SGK1: variants seen among roughly 807,000 people sequenced by gnomAD.
SGK1 encodes the protein serum/glucocorticoid regulated kinase 1.
In SGK1, 26 loss-of-function variants were observed where a neutral mutation model predicts 64.2. The ratio of observed to expected loss-of-function variants is 0.40; its 90% CI spans 0.30 to 0.56. The LOEUF is 0.56. SGK1 is among the 20% of genes least tolerant of loss of function. SGK1 has a pLI of 0.38. For synonymous variants in SGK1, 265 were observed against 239.7 expected (o/e 1.11, Z -0.98); for missense variants, 519 against 645.6 (o/e 0.80, Z 2.12).
chr6:134,218,437 C>CTTTT (rs71003680), intron 2 of SGK1, among the ~76,000 whole-genome samples: 5 of 129,168 alleles, frequency 3.9e-5, no homozygotes, highest in East Asian at 2.2e-4. Context: ...TTCTTTTTTT[C>CTTTT]TTTTTTTTTT....
chr6:134,227,254 C>T (rs956248163), intron 2 of SGK1, among the ~76,000 whole-genome samples: 3 of 152,188 alleles, frequency 2.0e-5, no homozygotes, highest in African/African-American at 7.2e-5. Context: ...CCTGCCTCAG[C>T]CTCCTGAGTA....
chr6:134,217,985 G>C (rs966692229), intron 2 of SGK1, among the ~76,000 whole-genome samples: 2 of 152,142 alleles, frequency 1.3e-5, no homozygotes, highest in Admixed American at 6.5e-5. Flanking sequence ...GCCTGGCTCA[G>C]CAAGCACTTG....
At chr6:134,289,823 C>T (rs570138420) in intron 1 of SGK1, among the ~76,000 whole-genome samples, 1 of 151,640 alleles carries the variant, frequency 6.6e-6, no homozygotes. Context: ...CTGGGCGACA[C>T]AGTGAGACCT....
intron 3 of SGK1, among the ~76,000 whole-genome samples, chr6:134,202,658 T>C (rs897513343): frequency 6.7e-6 from 1 of 149,248 alleles, no homozygotes; most frequent in African/African-American, 2.5e-5. Flanking sequence ...AAAAAAATAA[T>C]AAAAACATGA....
chr6:134,173,983 C>T, intron 5 of SGK1, 22 bp downstream of exon 5: 3 of 1,562,398 alleles, frequency 1.9e-6, no homozygotes, highest in African/African-American at 2.7e-5. Flanking sequence ...TCCACAGATG[C>T]ACGGCACATA....
intron 2 of SGK1, chr6:134,215,046 A>G (rs1216146825): frequency 2.2e-6 from 1 of 455,810 alleles, no homozygotes; most frequent in Non-Finnish European, 4.4e-6. Context: ...GTGTATGAGA[A>G]TATCACATTT....
At chr6:134,272,821 G>A (rs1345954494) in intron 1 of SGK1, among the ~76,000 whole-genome samples, 1 of 148,278 alleles carries the variant, frequency 6.7e-6, no homozygotes, top group Non-Finnish European at 1.5e-5. Flanking sequence ...ATAAAATGAA[G>A]CTTGCACAAA....
chr6:134,199,938 T>C (rs1288389514), intron 3 of SGK1, among the ~76,000 whole-genome samples: 3 of 152,208 alleles, frequency 2.0e-5, no homozygotes, highest in Non-Finnish European at 2.9e-5. Flanking sequence ...TCTTGTTGTT[T>C]AACCACTTCA....
At chr6:134,294,628 G>C (rs1777317310) in intron 1 of SGK1, among the ~76,000 whole-genome samples, 1 of 152,166 alleles carries the variant, frequency 6.6e-6, no homozygotes, top group Admixed American at 6.5e-5. Flanking sequence ...CTCGCCTCCA[G>C]GGTTCAAGTG....
intron 2 of SGK1, among the ~76,000 whole-genome samples, chr6:134,212,105 G>C (rs1472898806): frequency 6.6e-6 from 1 of 151,586 alleles, no homozygotes; most frequent in Non-Finnish European, 1.5e-5. Context: ...CCAGGCTGGA[G>C]TGCAGTGGTG....
intron 1 of SGK1, 42 bp from the exon 2 acceptor site, chr6:134,262,190 T>A: frequency 7.1e-7 from 1 of 1,415,626 alleles, no homozygotes; most frequent in South Asian, 1.3e-5. Flanking sequence ...TGTGTTTGAC[T>A]CCCTTTGATG....
intron 2 of SGK1, among the ~76,000 whole-genome samples, chr6:134,214,631 G>A (rs1402533952): frequency 3.5e-5 from 4 of 114,868 alleles, no homozygotes; most frequent in Non-Finnish European, 1.8e-5. Flanking sequence ...TTTAATAAAT[G>A]ACAGCATGTA....
chr6:134,267,078 C>T (rs1776865381), intron 1 of SGK1, among the ~76,000 whole-genome samples: 1 of 152,030 alleles, frequency 6.6e-6, no homozygotes, highest in African/African-American at 2.4e-5. Context: ...AGTTGTATGC[C>T]TGGACTAAGA....
At chr6:134,285,477 CAAAA>C (rs778766999) in intron 1 of SGK1, among the ~76,000 whole-genome samples, 1 of 68,482 alleles carries the variant, frequency 1.5e-5, no homozygotes, top group Non-Finnish European at 3.0e-5. Flanking sequence ...GACTCTGCCT[CAAAA>C]AAAAAAAAAA....
At chr6:134,229,178 G>C (rs1253376842) in intron 2 of SGK1, among the ~76,000 whole-genome samples, 5 of 152,272 alleles carry the variant, frequency 3.3e-5, no homozygotes, top group Non-Finnish European at 7.3e-5. Flanking sequence ...CTGCAGAAGA[G>C]AGATACTAGG....
intron 1 of SGK1, among the ~76,000 whole-genome samples, chr6:134,294,652 A>T (rs1449862631): frequency 6.6e-6 from 1 of 152,112 alleles, no homozygotes; most frequent in Non-Finnish European, 1.5e-5. Flanking sequence ...CTCCTGGCTC[A>T]GCCTCCTGAG....
chr6:134,192,863 C>T (rs1455166948), intron 3 of SGK1, among the ~76,000 whole-genome samples: 1 of 152,140 alleles, frequency 6.6e-6, no homozygotes, highest in Admixed American at 6.6e-5. Context: ...CCTCCTGGTC[C>T]ACCCACTATT....
intron 2 of SGK1, among the ~76,000 whole-genome samples, chr6:134,254,143 G>A (rs1446783474): frequency 1.5e-5 from 2 of 136,122 alleles, no homozygotes; most frequent in Admixed American, 7.7e-5. Flanking sequence ...AAAAAAAAAT[G>A]CATCAACAAA....
intron 1 of SGK1, among the ~76,000 whole-genome samples, chr6:134,274,293 C>T (rs1048027755): frequency 6.6e-6 from 1 of 152,006 alleles, no homozygotes; most frequent in Non-Finnish European, 1.5e-5. Context: ...CGTGAGCCAC[C>T]GTGCCCAGCC....
Sources: allele counts gnomAD v4.1 joint callset (sites outside exome capture counted in the v4.1 genomes callset), GRCh38; gene constraint gnomAD v4.1.1; transcripts MANE v1.5; gene names NCBI Gene and HGNC (gene_info 2026-07-23, HGNC 2026-07-21).